The following HECW1 variants were observed in gnomAD, a reference collection of about 807,000 sequenced individuals.
HECW1 encodes HECT, C2 and WW domain containing E3 ubiquitin protein ligase 1.
HECW1 carries 61 observed loss-of-function variants against 182.3 expected under a neutral mutation model. The observed-to-expected ratio is 0.33, with a 90% CI of 0.27 to 0.41. The LOEUF (loss-of-function observed/expected upper bound fraction) is 0.41. HECW1 is among the 10% of genes least tolerant of loss of function. The probability of loss-of-function intolerance (pLI) is 1.00; values close to 1 mark genes in which losing one functional copy is unlikely to be tolerated. For synonymous variants in HECW1, 859 were observed against 832.6 expected (o/e 1.03, Z -0.55); for missense variants, 1,739 against 2,108.9 (o/e 0.82, Z 3.44).
At chr7:43,440,917 T>G (rs553212813) in intron 9 of HECW1, among the ~76,000 whole-genome samples, 3 of 152,316 alleles carry the variant, frequency 2.0e-5, no homozygotes, top group Non-Finnish European at 4.4e-5. Flanking sequence ...TGTCTCATAA[T>G]GCCAGTGTTT....
intron 8 of HECW1, among the ~76,000 whole-genome samples, chr7:43,412,546 G>A (rs2075839238): frequency 6.7e-6 from 1 of 149,750 alleles, no homozygotes; most frequent in African/African-American, 2.5e-5. Flanking sequence ...CTGGTGCGCT[G>A]CACCCACTAA....
In HECW1 at chr7:43,445,400, A is replaced by G. The variant is rs375621126; in HGVS notation, c.2228A>G (p.Asn743Ser). The G allele has an allele frequency of 6.8e-5, 109 of 1,613,530 alleles. No homozygotes were observed. Among genetic ancestry groups the G allele is most frequent in the Non-Finnish European group, 9.1e-5 (107 of 1,180,018 alleles). The change falls in exon 11 of 30, where the codon AAC becomes AGC. Residue 743 changes from asparagine (N) to serine (S), a missense_variant. Transcript: ENST00000395891. ...FSSQDDEEEE[N>S]SAFESVPDSM... The stretch of plus-strand genomic sequence containing the variant: ...TCGCAAGACGACGAGGAGGAGGAGA[A>G]CAGCGCGTTCGAGTCGGTACCCGAC...
At chr7:43,314,443 C>T (rs1027109340) in intron 4 of HECW1, among the ~76,000 whole-genome samples, 9 of 151,236 alleles carry the variant, frequency 6.0e-5, no homozygotes, top group South Asian at 2.1e-4. Context: ...GAGAGGCAGA[C>T]GAGGAACTCA....
intron 24 of HECW1, among the ~76,000 whole-genome samples, chr7:43,521,105 A>C (rs751144945): frequency 6.6e-6 from 1 of 152,232 alleles, no homozygotes; most frequent in African/African-American, 2.4e-5. Flanking sequence ...CCAAAAGGAC[A>C]TAAGAGTGCC....
chr7:43,507,966 G>A (rs1046229728), intron 22 of HECW1, 52 bp from the exon 23 acceptor site: 10 of 1,307,712 alleles, frequency 7.6e-6, no homozygotes, highest in African/African-American at 5.8e-5. Flanking sequence ...TTAGAACCCT[G>A]TCCAGCATCC....
intron 2 of HECW1, among the ~76,000 whole-genome samples, chr7:43,179,580 T>TGTTGTC (rs1554299849): frequency 1.3e-3 from 194 of 152,208 alleles, no homozygotes; most frequent in Non-Finnish European, 2.3e-3. Flanking sequence ...TTGTTGTTGT[T>TGTTGTC]GTCGTTTTTG....
chr7:43,258,108 G>A (rs1174564811), intron 3 of HECW1, among the ~76,000 whole-genome samples: 2 of 152,182 alleles, frequency 1.3e-5, no homozygotes, highest in Non-Finnish European at 2.9e-5. Flanking sequence ...GGGAGGCCAA[G>A]GCAGGTGGAT....
At chr7:43,249,709 AT>A (rs1370982873) in intron 3 of HECW1, among the ~76,000 whole-genome samples, 1 of 152,132 alleles carries the variant, frequency 6.6e-6, no homozygotes, top group Non-Finnish European at 1.5e-5. Context: ...AGCTTTGTTT[AT>A]TTTAAGTACT....
chr7:43,564,814 G>A lies in HECW1; in HGVS notation c.*2888G>A, dbSNP rs2082292125. The A allele has an allele frequency of 1.1e-5, 2 of 182,452 alleles. No individual in the cohort carries two copies. Among genetic ancestry groups the A allele is most frequent in the South Asian group, 3.9e-4 (2 of 5,086 alleles). 11.3% of individuals were successfully genotyped at this position (182,452 alleles called of 1,614,324 possible). A position where few individuals can be genotyped will look rare whatever the true frequency, so the allele number is the denominator to read the frequency against. ...AGCTATAGAACTAAATTTCACTTAG[G>A]TGGAGGTATAAACCACCTTAAATTA... On this transcript the variant is annotated 3_prime_UTR_variant, in exon 30 of 30. Transcript: ENST00000395891.
At chr7:43,185,299 C>A (rs1793290224) in intron 2 of HECW1, among the ~76,000 whole-genome samples, 1 of 152,188 alleles carries the variant, frequency 6.6e-6, no homozygotes, top group African/African-American at 2.4e-5. Context: ...TCACCTGTAT[C>A]ATCTGCAATA....
At position 43,144,576 on chromosome 7, in the gene HECW1, T is replaced by A. The variant is rs541730384; in HGVS notation, c.-32+30185T>A. Reference sequence around the variant, plus strand: ...TATTTTTTTATTATTTCAATTATAATCCAATAATACATTATTTTGTTGTTG... The same window carrying A: ...TATTTTTTTATTATTTCAATTATAAACCAATAATACATTATTTTGTTGTTG... On this transcript the variant is annotated intron_variant, in intron 2 of 29. Coordinates refer to ENST00000395891, the MANE Select transcript of HECW1 (RefSeq NM_015052.5). 4.7e-4 allele frequency among the ~76,000 whole-genome samples: 71 copies of A among 152,358 alleles called. 2 individuals carry two copies. The South Asian group carries it at 0.013, about 28-fold the overall frequency.
At chr7:43,473,863 A>T (rs1292292371) in intron 16 of HECW1, among the ~76,000 whole-genome samples, 10 of 152,242 alleles carry the variant, frequency 6.6e-5, no homozygotes, top group Non-Finnish European at 1.3e-4. Context: ...CACACAAAAA[A>T]TTGCAAAGAA....
At chr7:43,155,069 T>G (rs1254272673) in intron 2 of HECW1, among the ~76,000 whole-genome samples, 1 of 152,194 alleles carries the variant, frequency 6.6e-6, no homozygotes, top group Non-Finnish European at 1.5e-5. Context: ...TGCTTTCAAG[T>G]CATGGAGTAA....
chr7:43,479,310 C>G (rs2078333163), intron 16 of HECW1, among the ~76,000 whole-genome samples: 1 of 152,116 alleles, frequency 6.6e-6, no homozygotes, highest in Non-Finnish European at 1.5e-5. Flanking sequence ...CCCACACATG[C>G]ACGGTTCACA....
At chr7:43,370,709 G>A (rs536774811) in intron 6 of HECW1, among the ~76,000 whole-genome samples, 58 of 152,158 alleles carry the variant, frequency 3.8e-4, no homozygotes, top group Non-Finnish European at 7.4e-4. Context: ...AAGACATGAG[G>A]AAATCTTAGA....
In HECW1 at chr7:43,535,600, G is replaced by A. The variant is rs148708089; in HGVS notation, c.4020-5563G>A. The stretch of plus-strand genomic sequence containing the variant: ...TATATGTTTCCATCAGAGGGGAAAC[G>A]GCTGAACCAAGCATAGAGCATTCCT... On this transcript the variant is annotated intron_variant, in intron 24 of 29. Coordinates refer to ENST00000395891, the MANE Select transcript of HECW1 (RefSeq NM_015052.5). Among the ~76,000 whole-genome samples the A allele has an allele frequency of 4.8e-4, 73 of 152,330 alleles. 1 individual carries two copies. Among genetic ancestry groups the A allele is most frequent in the African/African-American group, 1.5e-3 (63 of 41,562 alleles).
At chr7:43,122,295 A>G (rs1162917239) in intron 2 of HECW1, among the ~76,000 whole-genome samples, 3 of 152,190 alleles carry the variant, frequency 2.0e-5, no homozygotes, top group Non-Finnish European at 2.9e-5. Context: ...TGCCATGAAT[A>G]GTGTCAGACC....
In HECW1 at chr7:43,388,603, C is replaced by T. The variant is rs184943484; in HGVS notation, c.556-8211C>T. On this transcript the variant is annotated intron_variant, in intron 6 of 29. Transcript: ENST00000395891. ...TCTGAGGAGGATACTGTTTCTCAGC[C>T]CCAGGGTGTTACTGCTGGATATTCT... Among the ~76,000 whole-genome samples, 404 of 152,196 alleles carry T rather than the reference C, an allele frequency of 2.7e-3. 6 individuals are homozygous for T. The highest frequency in any genetic ancestry group is 0.015 in the South Asian group (70 of 4,822).
At chr7:43,407,888 G>A (rs1195268367) in intron 8 of HECW1, among the ~76,000 whole-genome samples, 157 bp downstream of exon 8, 1 of 152,204 alleles carries the variant, frequency 6.6e-6, no homozygotes, top group East Asian at 1.9e-4. Flanking sequence ...TCCAGGGGTT[G>A]CAACTCAGGG....
Sources: gnomAD v4.1 joint callset for allele counts (sites outside exome capture counted in the v4.1 genomes callset) on GRCh38, gnomAD v4.1.1 for gene constraint, MANE v1.5 for transcripts, NCBI Gene and HGNC (gene_info 2026-07-23, HGNC 2026-07-21) for gene names.